The following ANKS1B variants were observed in gnomAD, a reference collection of about 807,000 sequenced individuals.
ANKS1B encodes ankyrin repeat and sterile alpha motif domain containing 1B, also known as ankyrin repeat and sterile alpha motif domain-containing protein 1B.
A neutral mutation model predicts 148.3 loss-of-function variants in ANKS1B; 36 were observed. The observed-to-expected ratio is 0.24, with a 90% CI of 0.19 to 0.32. ANKS1B has a LOEUF of 0.32. ANKS1B is among the 10% of genes least tolerant of loss of function. The probability of loss-of-function intolerance (pLI) is 1.00; values close to 1 mark genes in which losing one functional copy is unlikely to be tolerated. For synonymous variants in ANKS1B, 542 were observed against 560.8 expected, an observed-to-expected ratio of 0.97 and a Z score of 0.47; for missense variants, 1,157 against 1,542.6, an observed-to-expected ratio of 0.75 and a Z score of 4.19.
intron 17 of ANKS1B, among the ~76,000 whole-genome samples, chr12:98,951,668 G>A (rs538353118): frequency 8.5e-5 from 13 of 152,098 alleles, no homozygotes; most frequent in Non-Finnish European, 1.5e-4. Context: ...CCCTGTCTGT[G>A]CCCTCTTCCC....
At chr12:99,036,337 A>T (rs1460525199) in intron 17 of ANKS1B, among the ~76,000 whole-genome samples, 1 of 152,030 alleles carries the variant, frequency 6.6e-6, no homozygotes, top group Non-Finnish European at 1.5e-5. Context: ...TTTCTTAAGC[A>T]AAAGGAAAAT....
chr12:98,794,192 G>A (rs933825528), intron 22 of ANKS1B, among the ~76,000 whole-genome samples: 2 of 151,966 alleles, frequency 1.3e-5, no homozygotes, highest in Non-Finnish European at 2.9e-5. Flanking sequence ...AGGAGTTCGA[G>A]ACCAGCCTGG....
At chr12:99,719,694 C>T (rs558889098) in intron 8 of ANKS1B, among the ~76,000 whole-genome samples, 60 of 152,190 alleles carry the variant, frequency 3.9e-4, no homozygotes, top group Middle Eastern at 6.8e-3. Context: ...CACCACCATG[C>T]GAGAGGTTTC....
intron 25 of ANKS1B, among the ~76,000 whole-genome samples, chr12:98,765,120 T>G (rs1191134027): frequency 6.6e-6 from 1 of 152,254 alleles, no homozygotes; most frequent in East Asian, 1.9e-4. Flanking sequence ...GCTTCTGCTA[T>G]TCTCTGTGTC....
rs73372092 is a variant in ANKS1B, at chr12:99,404,793, T to C, written c.1576-4982A>G. Among the ~76,000 whole-genome samples, 497 of 145,342 alleles carry C rather than the reference T, an allele frequency of 3.4e-3. 58 individuals carry two copies. Among genetic ancestry groups the C allele is most frequent in the African/African-American group, 0.013 (486 of 38,316 alleles). ...AAAGAAAGATCTCAATATTCAAGTA[T>C]AAGAAGGCCATAGAATACCAAGGAG... On this transcript the variant is annotated intron_variant, in intron 11 of 26. Coordinates refer to ENST00000683438, the MANE Select transcript of ANKS1B (RefSeq NM_001352186.2).
intron 8 of ANKS1B, among the ~76,000 whole-genome samples, chr12:99,736,460 A>G (rs1400554823): frequency 6.6e-6 from 1 of 151,692 alleles, no homozygotes; most frequent in East Asian, 2.1e-4. Flanking sequence ...CAAAAATGAC[A>G]TAGCTGAAAA....
At chr12:99,142,599 G>T (rs2071322516) in intron 15 of ANKS1B, among the ~76,000 whole-genome samples, 1 of 152,078 alleles carries the variant, frequency 6.6e-6, no homozygotes, top group Admixed American at 6.5e-5. Flanking sequence ...TATTTCTTCT[G>T]CCTCCAAGAT....
intron 1 of ANKS1B, among the ~76,000 whole-genome samples, chr12:99,848,132 C>T (rs941082485): frequency 6.6e-6 from 1 of 151,956 alleles, no homozygotes; most frequent in Non-Finnish European, 1.5e-5. Flanking sequence ...GAGCCTGAGG[C>T]TGACTGCATG....
chr12:99,392,613 T>G (rs1478651941), intron 12 of ANKS1B, among the ~76,000 whole-genome samples: 1 of 152,212 alleles, frequency 6.6e-6, no homozygotes, highest in Non-Finnish European at 1.5e-5. Context: ...AAATTCTTCA[T>G]GTGGAAACAA....
chr12:99,011,985 T>G (rs943018734), intron 17 of ANKS1B, among the ~76,000 whole-genome samples: 7 of 152,154 alleles, frequency 4.6e-5, no homozygotes, highest in African/African-American at 1.7e-4. Context: ...ATCACTGATG[T>G]GGATGGATAT....
intron 14 of ANKS1B, among the ~76,000 whole-genome samples, chr12:99,226,203 G>T (rs2085913015): frequency 6.6e-6 from 1 of 152,138 alleles, no homozygotes; most frequent in Non-Finnish European, 1.5e-5. Flanking sequence ...CTCTTGAGTA[G>T]CTTCCAGAGA....
chr12:99,561,032 G>C (rs1045251346), intron 9 of ANKS1B, among the ~76,000 whole-genome samples: 1 of 151,756 alleles, frequency 6.6e-6, no homozygotes, highest in Non-Finnish European at 1.5e-5. Context: ...ATTTTTAGTA[G>C]AGACGGGTTT....
intron 17 of ANKS1B, among the ~76,000 whole-genome samples, chr12:98,934,148 T>C (rs994629156): frequency 1.8e-4 from 27 of 152,142 alleles, no homozygotes; most frequent in African/African-American, 6.5e-4. Flanking sequence ...TCTTTAAATG[T>C]AAAATAATAA....
intron 12 of ANKS1B, among the ~76,000 whole-genome samples, chr12:99,290,775 A>G (rs963372577): frequency 3.9e-5 from 6 of 152,142 alleles, no homozygotes; most frequent in Non-Finnish European, 8.8e-5. Flanking sequence ...ACATACTTTA[A>G]CATAATAAAA....
chr12:99,958,790 G>A (rs2095361699), intron 1 of ANKS1B, among the ~76,000 whole-genome samples: 3 of 152,318 alleles, frequency 2.0e-5, no homozygotes, highest in East Asian at 1.9e-4. Flanking sequence ...GTGGACAGAA[G>A]TAGTAAGGAA....
intron 19 of ANKS1B, among the ~76,000 whole-genome samples, chr12:98,820,204 T>C (rs1452583552): frequency 6.6e-6 from 1 of 152,266 alleles, no homozygotes; most frequent in Non-Finnish European, 1.5e-5. Context: ...ATCAACACTG[T>C]GGTTCACACG....
intron 17 of ANKS1B, among the ~76,000 whole-genome samples, chr12:98,848,062 G>A (rs1194433310): frequency 6.6e-6 from 1 of 152,156 alleles, no homozygotes; most frequent in Non-Finnish European, 1.5e-5. Flanking sequence ...TGCTTTCTAA[G>A]AAATAGATAC....
intron 11 of ANKS1B, among the ~76,000 whole-genome samples, chr12:99,402,125 T>C (rs1200130066): frequency 6.8e-6 from 1 of 146,408 alleles, no homozygotes; most frequent in Non-Finnish European, 1.5e-5. Flanking sequence ...ACCGTAACTA[T>C]AGGTTTCCTT....
chr12:98,994,204 C>G (rs975588821), intron 17 of ANKS1B, among the ~76,000 whole-genome samples: 17 of 152,124 alleles, frequency 1.1e-4, no homozygotes, highest in African/African-American at 4.1e-4. Context: ...TTAAAAACTT[C>G]CCCTGTAACA....
Sources: gnomAD v4.1 joint callset for allele counts (sites outside exome capture counted in the v4.1 genomes callset) on GRCh38, gnomAD v4.1.1 for gene constraint, MANE v1.5 for transcripts, NCBI Gene and HGNC (gene_info 2026-07-23, HGNC 2026-07-21) for gene names.